Variants in MTUS2 observed in about 807,000 individuals in gnomAD.
The protein encoded by MTUS2 is microtubule associated scaffold protein 2, also known as microtubule-associated tumor suppressor candidate 2.
A neutral mutation model predicts 114.1 loss-of-function variants in MTUS2; 40 were observed. That is an observed-to-expected ratio of 0.35 (90% CI 0.27 to 0.46). MTUS2 has a LOEUF of 0.46. Ranked by LOEUF, MTUS2 falls within the 20% of genes least tolerant of loss-of-function variation. The pLI, the probability that MTUS2 is intolerant of heterozygous loss-of-function variation, is 1.00. For synonymous variants in MTUS2, 688 were observed against 672.0 expected, an observed-to-expected ratio of 1.02 and a Z score of -0.37; for missense variants, 1,679 against 1,705.4, an observed-to-expected ratio of 0.98 and a Z score of 0.27.
chr13:29,084,043 A>G lies in MTUS2; in HGVS notation c.2447-16730A>G, dbSNP rs560721781. Among the ~76,000 whole-genome samples the G allele has an allele frequency of 3.3e-5, 5 of 152,292 alleles. No homozygotes were observed. In the East Asian group the frequency reaches 5.8e-4, roughly 18 times the overall value. On this transcript the variant is annotated intron_variant, in intron 4 of 15. Transcript: ENST00000612955. The stretch of plus-strand genomic sequence containing the variant: ...AATGAAAGACTTATAAATTAGATCT[A>G]TATTATAGATTATAATTATAGGGGG...
intron 8 of MTUS2, among the ~76,000 whole-genome samples, chr13:29,367,916 C>T (rs3121744): frequency 1.3e-5 from 2 of 149,684 alleles, no homozygotes; most frequent in East Asian, 2.0e-4. Context: ...TGTAGCTTTT[C>T]TTTTTTTTCC....
chr13:28,928,475 CA>C (rs1194251289), intron 2 of MTUS2, among the ~76,000 whole-genome samples: 2 of 152,144 alleles, frequency 1.3e-5, no homozygotes, highest in African/African-American at 2.4e-5. Flanking sequence ...AGAAGACATA[CA>C]AATGGCCAGC....
At chr13:29,457,753 C>A (rs1228788915) in intron 9 of MTUS2, among the ~76,000 whole-genome samples, 1 of 152,192 alleles carries the variant, frequency 6.6e-6, no homozygotes, top group East Asian at 1.9e-4. Flanking sequence ...CCATTTTGCA[C>A]CCTCCCCAGC....
At chr13:29,161,594 T>A (rs542711312) in intron 5 of MTUS2, among the ~76,000 whole-genome samples, 1 of 152,332 alleles carries the variant, frequency 6.6e-6, no homozygotes, top group East Asian at 1.9e-4. Context: ...AATAACTTCC[T>A]CCCCTTTTCC....
At chr13:29,384,810 C>T (rs531844025) in intron 8 of MTUS2, among the ~76,000 whole-genome samples, 3 of 152,286 alleles carry the variant, frequency 2.0e-5, no homozygotes, top group East Asian at 3.9e-4. Flanking sequence ...CAACAGTGCC[C>T]CTAGCCTGTC....
At chr13:29,199,338 G>C (rs957468095) in intron 5 of MTUS2, among the ~76,000 whole-genome samples, 1 of 152,198 alleles carries the variant, frequency 6.6e-6, no homozygotes, top group Non-Finnish European at 1.5e-5. Context: ...ATCATAAATA[G>C]CTCATAGTAT....
chr13:29,078,089 A>G (rs1207637791), intron 4 of MTUS2, among the ~76,000 whole-genome samples: 2 of 152,036 alleles, frequency 1.3e-5, no homozygotes, highest in African/African-American at 4.8e-5. Context: ...GTTCGAATAG[A>G]AATTTTCATC....
At chr13:28,900,595 C>T (rs1296765423) in intron 2 of MTUS2, among the ~76,000 whole-genome samples, 1 of 152,174 alleles carries the variant, frequency 6.6e-6, no homozygotes, top group Non-Finnish European at 1.5e-5. Flanking sequence ...GAACATTATT[C>T]CAAGTTGTTG....
chr13:29,229,434 C>G (rs1896238849), intron 5 of MTUS2, among the ~76,000 whole-genome samples: 1 of 152,190 alleles, frequency 6.6e-6, no homozygotes, highest in African/African-American at 2.4e-5. Context: ...ATGCAGATTC[C>G]TTTCCCATTG....
intron 5 of MTUS2, among the ~76,000 whole-genome samples, chr13:29,111,592 A>C (rs9314935): frequency 1.3e-5 from 2 of 152,082 alleles, no homozygotes; most frequent in African/African-American, 4.8e-5. Flanking sequence ...CAGAGTGAGA[A>C]TATCAAAAAG....
At chr13:29,224,150 A>C (rs1896016027) in intron 5 of MTUS2, among the ~76,000 whole-genome samples, 1 of 152,202 alleles carries the variant, frequency 6.6e-6, no homozygotes, top group South Asian at 2.1e-4. Flanking sequence ...CAGTGGACCC[A>C]AGCAAAACTC....
At chr13:29,440,955 C>T (rs1325599539) in intron 9 of MTUS2, among the ~76,000 whole-genome samples, 1 of 152,156 alleles carries the variant, frequency 6.6e-6, no homozygotes, top group African/African-American at 2.4e-5. Context: ...GCATAGCTTT[C>T]CCCAACCCTT....
At chr13:29,262,082 G>A (rs1897494027) in intron 5 of MTUS2, among the ~76,000 whole-genome samples, 1 of 152,256 alleles carries the variant, frequency 6.6e-6, no homozygotes, top group Admixed American at 6.5e-5. Flanking sequence ...TTATGTGCCA[G>A]AAGTTCAGAA....
In MTUS2 at chr13:29,306,420, G is replaced by C. The variant is rs539740507; in HGVS notation, c.2807-18193G>C. Reference sequence around the variant, plus strand: ...TCTCAGCCCAAAAGTTTCCTAAGCTGATAAGCCACTTCAGCAAAGTCTCGG... The same window carrying C: ...TCTCAGCCCAAAAGTTTCCTAAGCTCATAAGCCACTTCAGCAAAGTCTCGG... On this transcript the variant is annotated intron_variant, in intron 6 of 15. Coordinates refer to ENST00000612955, the MANE Select transcript of MTUS2 (RefSeq NM_001033602.4). Among the ~76,000 whole-genome samples the C allele has an allele frequency of 5.3e-5, 8 of 152,284 alleles. No individual in the cohort carries two copies. The South Asian group carries it at 1.2e-3, about 24-fold the overall frequency.
intron 5 of MTUS2, among the ~76,000 whole-genome samples, chr13:29,143,410 T>C (rs980787024): frequency 6.6e-5 from 10 of 152,190 alleles, no homozygotes; most frequent in African/African-American, 2.4e-4. Context: ...ACAGAACAAA[T>C]AAAAACCTTG....
intron 5 of MTUS2, among the ~76,000 whole-genome samples, chr13:29,187,274 A>G (rs1027233618): frequency 2.0e-5 from 3 of 152,130 alleles, no homozygotes; most frequent in Non-Finnish European, 4.4e-5. Flanking sequence ...AATGAAATAG[A>G]GAGTAGAAAA....
chr13:29,277,461 G>A (rs567302388), intron 5 of MTUS2, among the ~76,000 whole-genome samples: 2 of 152,318 alleles, frequency 1.3e-5, no homozygotes, highest in African/African-American at 2.4e-5. Flanking sequence ...TAAAGTAAAA[G>A]TTCAAGGTTG....
intron 5 of MTUS2, among the ~76,000 whole-genome samples, chr13:29,112,398 A>G (rs1358772913): frequency 6.6e-6 from 1 of 152,110 alleles, no homozygotes; most frequent in Non-Finnish European, 1.5e-5. Flanking sequence ...AGATGTTTTG[A>G]TATTGAGGAG....
At chr13:28,957,222 C>G (rs1477052441) in intron 2 of MTUS2, among the ~76,000 whole-genome samples, 1 of 152,188 alleles carries the variant, frequency 6.6e-6, no homozygotes, top group Non-Finnish European at 1.5e-5. Flanking sequence ...TGTCTGGTAT[C>G]CTTTCCCTTT....
Sources: gnomAD v4.1 joint callset for allele counts (sites outside exome capture counted in the v4.1 genomes callset) on GRCh38, gnomAD v4.1.1 for gene constraint, MANE v1.5 for transcripts, NCBI Gene and HGNC (gene_info 2026-07-23, HGNC 2026-07-21) for gene names.